ZGRF1: variants seen among roughly 807,000 people sequenced by gnomAD.
The protein encoded by ZGRF1 is zinc finger GRF-type containing 1, also known as 5'-3' DNA helicase ZGRF1.
Under a neutral mutation model 203.5 loss-of-function variants are expected in ZGRF1, and 196 were observed. That is an observed-to-expected ratio of 0.96 (90% CI 0.86 to 1.08). The LOEUF (loss-of-function observed/expected upper bound fraction) is 1.08, where lower values mean the gene tolerates loss of function less well. ZGRF1 is among the 50% of genes least tolerant of loss of function. The pLI is 0.00. For synonymous variants in ZGRF1, 809 were observed against 841.3 expected (o/e 0.96, Z 0.66); for missense variants, 2,326 against 2,416.3 (o/e 0.96, Z 0.78).
intron 21 of ZGRF1, among the ~76,000 whole-genome samples, 167 bp downstream of exon 21, chr4:112,554,538 A>T (rs1302231329): frequency 6.6e-6 from 1 of 152,192 alleles, no homozygotes; most frequent in African/African-American, 2.4e-5. Flanking sequence ...AGGGACATGG[A>T]TGAAGCTGGA....
intron 12 of ZGRF1, 117 bp from the exon 13 acceptor site, chr4:112,586,700 G>T: frequency 1.2e-6 from 1 of 806,488 alleles, no homozygotes; most frequent in Non-Finnish European, 1.7e-6. Flanking sequence ...TGATTTCTAG[G>T]ATCCTTGAAA....
rs1374210531 is a variant in ZGRF1, at chr4:112,617,908, G to C, written c.2134C>G (p.Gln712Glu). The change falls in exon 6 of 28, where the codon CAG (glutamine) becomes GAG (glutamate). Residue 712 changes from glutamine to glutamate, a missense_variant. Coordinates refer to ENST00000505019, the MANE Select transcript of ZGRF1 (RefSeq NM_018392.5). ...SNLFSEDAQP[Q>E]PFILGSDLDK... ...AAGTCACTTCCCAAAATAAAAGGCT[G>C]AGGTTGAGCATCTTCTGAAAATAGA... The C allele has an allele frequency of 6.2e-7, 1 of 1,613,790 alleles. No homozygotes were observed. Among genetic ancestry groups the C allele is most frequent in the South Asian group, 1.1e-5 (1 of 91,046 alleles).
intron 16 of ZGRF1, among the ~76,000 whole-genome samples, chr4:112,567,724 G>T (rs980027881): frequency 1.3e-5 from 2 of 152,130 alleles, no homozygotes; most frequent in Non-Finnish European, 2.9e-5. Context: ...CCACGAGTTC[G>T]AGATGTGCCA....
At position 112,573,260 on chromosome 4, in the gene ZGRF1, A is replaced by T. The variant is rs562040188; in HGVS notation, c.4438+8403T>A. Among the ~76,000 whole-genome samples, 33 of 152,206 alleles carry T rather than the reference A, an allele frequency of 2.2e-4. No individual in the cohort carries two copies. In the South Asian group the frequency reaches 6.4e-3, roughly 30 times the overall value. ...AATAATGGCATTTGCAACAACCTGG[A>T]TGGAACTGGAGACCACTATTCTAAG... On this transcript the variant is annotated intron_variant, in intron 16 of 27. Transcript: ENST00000505019.
chr4:112,617,659 G>A lies in ZGRF1; in HGVS notation c.2383C>T (p.Pro795Ser), dbSNP rs1283985499. ...PEDLGKIRSP[P>S]PDHVEVETAR... The stretch of plus-strand genomic sequence containing the variant: ...GTTTCAACCTCAACATGGTCAGGGG[G>A]TGGACTTCTAATCTTTCCCAAATCT... The change falls in exon 6 of 28, where the codon CCC becomes TCC. Residue 795 changes from proline (P) to serine (S), a missense_variant. Transcript: ENST00000505019. 1 of 1,613,910 alleles carries A rather than the reference G, an allele frequency of 6.2e-7. No individual in the cohort carries two copies. Among genetic ancestry groups the A allele is most frequent in the Admixed American group, 1.7e-5 (1 of 59,994 alleles).
intron 16 of ZGRF1, among the ~76,000 whole-genome samples, chr4:112,566,046 C>G (rs540136242): frequency 6.6e-6 from 1 of 152,080 alleles, no homozygotes; most frequent in Non-Finnish European, 1.5e-5. Context: ...CACATGCACA[C>G]ATATGTTTAT....
intron 1 of ZGRF1, among the ~76,000 whole-genome samples, chr4:112,634,978 A>G (rs2047535721): frequency 6.6e-6 from 1 of 151,876 alleles, no homozygotes. Flanking sequence ...AAAAATACAA[A>G]AATTAGCTGG....
At chr4:112,634,658 A>T (rs894975681) in intron 1 of ZGRF1, among the ~76,000 whole-genome samples, 4 of 151,934 alleles carry the variant, frequency 2.6e-5, no homozygotes, top group South Asian at 2.1e-4. Flanking sequence ...TCAAAAAAAA[A>T]AAATAAAAGG....
At chr4:112,633,623 T>C (rs2047484948) in intron 1 of ZGRF1, among the ~76,000 whole-genome samples, 1 of 152,210 alleles carries the variant, frequency 6.6e-6, no homozygotes, top group African/African-American at 2.4e-5. Flanking sequence ...CCCCTTGTGT[T>C]TTAAATTTTT....
Position 112,577,633 on chromosome 4 carries a change from T to C in ZGRF1, c.4438+4030A>G, listed in dbSNP as rs1412993001. Among the ~76,000 whole-genome samples the C allele has an allele frequency of 2.4e-5, 3 of 122,594 alleles. 1 individual carries two copies. The highest frequency in any genetic ancestry group is 5.5e-5 in the Non-Finnish European group (3 of 54,902). 80.4% of individuals were successfully genotyped at this position (122,594 alleles called of 152,430 possible). On this transcript the variant is annotated intron_variant, in intron 16 of 27. Coordinates refer to ENST00000505019, the MANE Select transcript of ZGRF1 (RefSeq NM_018392.5). ...AAAAAGGCAAGGGTTGCAATCCTAG[T>C]ATCTGATAAAACAGACTTTAAACCA...
At chr4:112,566,696 A>C (rs890679076) in intron 16 of ZGRF1, among the ~76,000 whole-genome samples, 1 of 152,066 alleles carries the variant, frequency 6.6e-6, no homozygotes, top group Non-Finnish European at 1.5e-5. Context: ...CAGAGAGAGA[A>C]GTGGAGAAAA....
chr4:112,547,538 C>CT, intron 23 of ZGRF1, 130 bp from the exon 24 acceptor site: 1 of 768,452 alleles, frequency 1.3e-6, no homozygotes, highest in Non-Finnish European at 2.0e-6. Flanking sequence ...ACTAATAAAG[C>CT]TTAGTAGTGC....
intron 22 of ZGRF1, 125 bp downstream of exon 22, chr4:112,553,710 T>A (rs934068595): frequency 1.3e-6 from 1 of 793,354 alleles, no homozygotes; most frequent in African/African-American, 1.8e-5. Context: ...GCATGCACCT[T>A]AGTAGAATAT....
At position 112,542,793 on chromosome 4, in the gene ZGRF1, T is replaced by TTCC. The variant is rs1737924852; in HGVS notation, c.5599-1526_5599-1525insGGA. On this transcript the variant is annotated intron_variant, in intron 24 of 27. Coordinates refer to ENST00000505019, the MANE Select transcript of ZGRF1 (RefSeq NM_018392.5). ...CTTTCTTTCCTTCCTTCCTTCCTTCTTTCTTTTTTCTTTTCTTTTCTTTTT... is the reference window on the plus strand; with the variant it reads ...CTTTCTTTCCTTCCTTCCTTCCTTCTTCCTTCTTTTTTCTTTTCTTTTCTTTTT... Among the ~76,000 whole-genome samples the TTCC allele has an allele frequency of 2.0e-5, 3 of 151,672 alleles. No homozygotes were observed. In the South Asian group the frequency reaches 6.3e-4, roughly 32 times the overall value.
chr4:112,539,458 G>A lies in ZGRF1; in HGVS notation c.*89C>T, dbSNP rs943156535. 1.5e-6 allele frequency: 1 copy of A among 648,156 alleles called. No individual in the cohort carries two copies. The highest frequency in any genetic ancestry group is 1.9e-5 in the African/African-American group (1 of 53,800). The allele number at this position is 648,156 out of a possible 1,614,324, so 40.2% of individuals were successfully genotyped here. On this transcript the variant is annotated 3_prime_UTR_variant, in exon 28 of 28. Coordinates refer to ENST00000505019, the MANE Select transcript of ZGRF1 (RefSeq NM_018392.5). ...TATTTAAATATCATATTTTTAATAA[G>A]AGGGTTTAGAGTAATAAAAATATAA...
intron 15 of ZGRF1, among the ~76,000 whole-genome samples, chr4:112,582,494 C>G (rs1452804819): frequency 6.6e-6 from 1 of 151,984 alleles, no homozygotes; most frequent in African/African-American, 2.4e-5. Context: ...CTTTGTTGCC[C>G]AGGCTGGAAG....
chr4:112,575,587 C>T (rs927047504), intron 16 of ZGRF1, among the ~76,000 whole-genome samples: 10 of 152,318 alleles, frequency 6.6e-5, no homozygotes, highest in South Asian at 2.1e-4. Flanking sequence ...TCTAATACTG[C>T]GCTTTTCCAA....
chr4:112,615,739 T>C (rs1247937142), intron 6 of ZGRF1, among the ~76,000 whole-genome samples: 1 of 151,922 alleles, frequency 6.6e-6, no homozygotes, highest in African/African-American at 2.4e-5. Flanking sequence ...GTTCAAATGA[T>C]TCTCCTGCCT....
intron 6 of ZGRF1, among the ~76,000 whole-genome samples, chr4:112,617,153 T>C (rs748568367): frequency 5.9e-5 from 9 of 152,140 alleles, no homozygotes; most frequent in Non-Finnish European, 1.0e-4. Flanking sequence ...TTTTGACATA[T>C]ATTCACATAA....
Sources: gnomAD v4.1 joint callset for allele counts (sites outside exome capture counted in the v4.1 genomes callset) on GRCh38, gnomAD v4.1.1 for gene constraint, MANE v1.5 for transcripts, NCBI Gene and HGNC (gene_info 2026-07-23, HGNC 2026-07-21) for gene names.